Variants in PDE4D observed in about 807,000 individuals in gnomAD.
The protein encoded by PDE4D is phosphodiesterase 4D, also known as 3',5'-cyclic-AMP phosphodiesterase 4D.
PDE4D carries 24 observed loss-of-function variants against 87.4 expected under a neutral mutation model. The observed-to-expected ratio is 0.27, with a 90% confidence interval of 0.20 to 0.39. PDE4D has a LOEUF of 0.39. Among genes scored for constraint, PDE4D ranks in the 10% least tolerant of loss-of-function variants. The pLI is 1.00. For missense variants in PDE4D, 714 were observed against 1,041.0 expected, an observed-to-expected ratio of 0.69 and a Z score of 4.32; for synonymous variants, 384 against 383.2, an observed-to-expected ratio of 1.00 and a Z score of -0.02.
chr5:59,062,801 T>A (rs954511517), intron 5 of PDE4D, among the ~76,000 whole-genome samples: 7 of 149,690 alleles, frequency 4.7e-5, no homozygotes, highest in African/African-American at 1.7e-4. Flanking sequence ...ACAGTGGCAA[T>A]GAATAATTCA....
intron 1 of PDE4D, among the ~76,000 whole-genome samples, chr5:59,427,395 C>T (rs2153630134): frequency 6.6e-6 from 1 of 151,426 alleles, no homozygotes; most frequent in Admixed American, 6.6e-5. Context: ...ATTAAACAAA[C>T]ATTTATTATT....
chr5:59,370,959 G>A (rs541842448), intron 1 of PDE4D, among the ~76,000 whole-genome samples: 10 of 152,298 alleles, frequency 6.6e-5, no homozygotes, highest in Admixed American at 2.6e-4. Context: ...TGTCCAACCC[G>A]TGGCTTGTGG....
rs956738453 is a variant in PDE4D at position 59,822,464 on chromosome 5, A to G, written c.455+70704T>C. ...GAATTTGTTATATTTCATTTTATTT[A>G]TATTTTATGTAACTTCCCCTTTTTT... On this transcript the variant is annotated intron_variant, in intron 1 of 14. Coordinates refer to ENST00000340635, the MANE Select transcript of PDE4D (RefSeq NM_001104631.2). Among the ~76,000 whole-genome samples, 4 of 152,276 alleles carry G rather than the reference A, an allele frequency of 2.6e-5. No homozygotes were observed. In the East Asian group the frequency reaches 5.8e-4, roughly 22 times the overall value.
chr5:59,618,007 T>G (rs298017), intron 1 of PDE4D, among the ~76,000 whole-genome samples: 1 of 151,978 alleles, frequency 6.6e-6, no homozygotes, highest in Non-Finnish European at 1.5e-5. Flanking sequence ...CATTATTTTC[T>G]GATTTTTTTT....
At chr5:59,922,034 T>C (rs1216596098) in intron 3 of PDE4D, among the ~76,000 whole-genome samples, 1 of 151,994 alleles carries the variant, frequency 6.6e-6, no homozygotes, top group Non-Finnish European at 1.5e-5. Flanking sequence ...TGAATCTTTG[T>C]GCTCGGGGGA....
At chr5:59,227,117 A>G (rs1438875184) in intron 1 of PDE4D, among the ~76,000 whole-genome samples, 3 of 152,184 alleles carry the variant, frequency 2.0e-5, no homozygotes, top group Admixed American at 1.3e-4. Context: ...GTTACTACCA[A>G]TCTTTCACTT....
intron 6 of PDE4D, among the ~76,000 whole-genome samples, chr5:59,002,962 T>C (rs1750847739): frequency 6.6e-6 from 1 of 152,186 alleles, no homozygotes; most frequent in Admixed American, 6.5e-5. Context: ...AAGATGACAG[T>C]GACAATGATC....
At chr5:59,767,346 A>G (rs2152587515) in intron 1 of PDE4D, among the ~76,000 whole-genome samples, 1 of 152,284 alleles carries the variant, frequency 6.6e-6, no homozygotes, top group Middle Eastern at 3.4e-3. Flanking sequence ...GAAATTATCT[A>G]AGTGTGTAAC....
Position 59,181,783 on chromosome 5 carries a change from C to T in PDE4D, c.759-1139G>A, listed in dbSNP as rs185269804. Among the ~76,000 whole-genome samples the T allele has an allele frequency of 1.8e-4, 28 of 152,066 alleles. No individual in the cohort carries two copies. The East Asian group carries it at 4.4e-3, about 24-fold the overall frequency. ...AATTTGAAGAACTTGTTTTAAGTAA[C>T]GAAGCTGAGATTTGAACTAAACGAA... On this transcript the variant is annotated intron_variant, in intron 4 of 14. Coordinates refer to ENST00000340635, the MANE Select transcript of PDE4D (RefSeq NM_001104631.2).
intron 1 of PDE4D, among the ~76,000 whole-genome samples, chr5:60,372,379 G>A (rs1761113945): frequency 6.6e-6 from 1 of 152,198 alleles, no homozygotes; most frequent in Admixed American, 6.5e-5. Context: ...CTTCCTGTCT[G>A]TTGGCCTTTC....
chr5:60,379,191 G>GAAA (rs60761481), intron 1 of PDE4D, among the ~76,000 whole-genome samples: 2 of 146,718 alleles, frequency 1.4e-5, no homozygotes, highest in East Asian at 2.0e-4. Flanking sequence ...ACCAGGAAAA[G>GAAA]AAAAAAAAAA....
chr5:60,141,464 A>G (rs958135407), intron 2 of PDE4D, among the ~76,000 whole-genome samples: 1 of 152,198 alleles, frequency 6.6e-6, no homozygotes, highest in African/African-American at 2.4e-5. Context: ...TAGAAGGGAG[A>G]AATCCACACT....
chr5:60,381,279 T>C (rs188236920), intron 1 of PDE4D, among the ~76,000 whole-genome samples: 2 of 152,334 alleles, frequency 1.3e-5, no homozygotes, highest in African/African-American at 2.4e-5. Context: ...AGTGTTTCCC[T>C]GGTTGACAAC....
chr5:59,484,067 C>T (rs1443410275), intron 1 of PDE4D, among the ~76,000 whole-genome samples: 1 of 152,156 alleles, frequency 6.6e-6, no homozygotes, highest in Non-Finnish European at 1.5e-5. Context: ...TGGGCCCCAC[C>T]TGGGCAGGGC....
intron 1 of PDE4D, among the ~76,000 whole-genome samples, chr5:59,431,472 T>C (rs929007677): frequency 1.3e-5 from 2 of 152,130 alleles, no homozygotes; most frequent in African/African-American, 4.8e-5. Flanking sequence ...CGCCAGTTTA[T>C]TTAAGCATCC....
chr5:60,078,326 C>T (rs1234112016), intron 2 of PDE4D, among the ~76,000 whole-genome samples: 1 of 152,052 alleles, frequency 6.6e-6, no homozygotes, highest in East Asian at 1.9e-4. Flanking sequence ...TATGAAATTC[C>T]CTCTTAGCAA....
chr5:59,746,386 C>T (rs1471282754), intron 1 of PDE4D, among the ~76,000 whole-genome samples: 1 of 152,070 alleles, frequency 6.6e-6, no homozygotes, highest in Non-Finnish European at 1.5e-5. Context: ...GTACCCACCA[C>T]CTCTCCCCTC....
At chr5:59,087,664 C>G (rs10065303) in intron 5 of PDE4D, among the ~76,000 whole-genome samples, 45,683 of 151,998 alleles carry the variant, frequency 0.3, 7,172 homozygotes, top group Middle Eastern at 0.35. Flanking sequence ...TAATATCTAA[C>G]ATTTCTTAGC....
intron 1 of PDE4D, among the ~76,000 whole-genome samples, chr5:60,387,464 G>A (rs1394544446): frequency 6.6e-6 from 1 of 152,092 alleles, no homozygotes; most frequent in Non-Finnish European, 1.5e-5. Flanking sequence ...ATCTTTGCGT[G>A]TTACCATTTC....
Sources: allele counts gnomAD v4.1 joint callset (sites outside exome capture counted in the v4.1 genomes callset), GRCh38; gene constraint gnomAD v4.1.1; transcripts MANE v1.5; gene names NCBI Gene and HGNC (gene_info 2026-07-23, HGNC 2026-07-21).